The following TMEM74B variants were observed in gnomAD, a reference collection of about 807,000 sequenced individuals.
The protein encoded by TMEM74B is transmembrane protein C20orf46.
Under a neutral mutation model 6.5 loss-of-function variants are expected in TMEM74B, and 7 were observed. The observed-to-expected ratio is 1.07, with a 90% CI of 0.61 to 2.01. TMEM74B has a LOEUF of 2.01. TMEM74B is among the 30% of genes most tolerant of loss of function. The pLI, the probability that TMEM74B is intolerant of heterozygous loss-of-function variation, is 0.00. For synonymous variants in TMEM74B, 151 were observed against 151.6 expected (o/e 1.00, Z 0.03); for missense variants, 342 against 337.0 (o/e 1.01, Z -0.12).
chr20:1,188,624 A>C (rs1362907872), upstream of TMEM74B, among the ~76,000 whole-genome samples: 1 of 140,680 alleles, frequency 7.1e-6, no homozygotes, highest in Non-Finnish European at 1.6e-5. Flanking sequence ...CACACACACC[A>C]CACACATACA....
At position 1,181,275 on chromosome 20, in the gene TMEM74B, A is replaced by AC. The variant is rs753775568; in HGVS notation, c.343dup (p.Val115GlyfsTer32). 1 of 1,613,766 alleles carries AC rather than the reference A, an allele frequency of 6.2e-7. No individual in the cohort carries two copies. Among genetic ancestry groups the AC allele is most frequent in the Non-Finnish European group, 8.5e-7 (1 of 1,179,864 alleles). ...AAAGCCATAATCCACCGGGCGGCTC[A>AC]CGGGCTCCAGGGCTGGCCCCTCCTC... On this transcript the variant is annotated frameshift_variant, in exon 3 of 3. Coordinates refer to ENST00000429036, the MANE Select transcript of TMEM74B (RefSeq NM_001304748.2). LOFTEE classifies it high-confidence loss of function. The surrounding 1 kb of genome is among the most constrained non-coding windows in gnomAD (Gnocchi z 4.9).
chr20:1,181,651 A>T lies in TMEM74B; in HGVS notation c.32-64T>A. On this transcript the variant is annotated intron_variant, in intron 2 of 2. Coordinates refer to ENST00000429036, the MANE Select transcript of TMEM74B (RefSeq NM_001304748.2). The surrounding 1 kb of genome is among the most constrained non-coding windows in gnomAD (Gnocchi z 4.9). ...CTCTCCCTGTTGTGGAGGACATCAT[A>T]CCAGTCCCTAAGCACATGAAGGTGA... is the stretch of plus-strand genomic sequence containing the variant. 1 of 1,419,476 alleles carries T rather than the reference A, an allele frequency of 7.0e-7. No individual in the cohort carries two copies. 87.9% of individuals were successfully genotyped at this position (1,419,476 alleles called of 1,614,324 possible).
chr20:1,185,340 C>T (rs1388894223), upstream of TMEM74B: 2 of 152,038 alleles, frequency 1.3e-5, no homozygotes, highest in South Asian at 4.1e-4. Flanking sequence ...CCCTCCCGGT[C>T]TCCCGCCCCC....
chr20:1,183,700 A>G, intron 2 of TMEM74B, 71 bp downstream of exon 2: 12 of 1,565,926 alleles, frequency 7.7e-6, no homozygotes, highest in Non-Finnish European at 9.6e-6. Context: ...CCAAGATCCC[A>G]TGGCATGTAT....
rs2122685049 is a variant in TMEM74B at position 1,184,459 on chromosome 20, A to T, written c.-305T>A. 6.6e-6 allele frequency: 1 copy of T among 152,306 alleles called. No homozygotes were observed. The highest frequency in any genetic ancestry group is 2.1e-4 in the South Asian group (1 of 4,804). The allele number at this position is 152,306 out of a possible 1,614,324, so 9.4% of individuals were successfully genotyped here. On this transcript the variant is annotated 5_prime_UTR_variant, in exon 1 of 3. Transcript: ENST00000429036. This position sits in a 1 kb window ranked among gnomAD's most constrained non-coding sequence, Gnocchi z 6.0. ...CACCCCACGACCCCACCAGTTACTAATTTCATCTGCAGTCAGACAGGTCCT... is the reference window on the plus strand; with the variant it reads ...CACCCCACGACCCCACCAGTTACTATTTTCATCTGCAGTCAGACAGGTCCT...
intron 2 of TMEM74B, among the ~76,000 whole-genome samples, chr20:1,183,318 G>GTGTT (rs2086927712): frequency 7.9e-6 from 1 of 126,626 alleles, no homozygotes; most frequent in African/African-American, 2.7e-5. Context: ...GTGTGTGTTT[G>GTGTT]TGTGTGTGTG....
upstream of TMEM74B, among the ~76,000 whole-genome samples, chr20:1,187,308 G>C (rs2087034369): frequency 6.6e-6 from 1 of 152,168 alleles, no homozygotes; most frequent in Non-Finnish European, 1.5e-5. Context: ...AGTGCCAAAA[G>C]AAGAGGGTTT....
Sources: allele counts gnomAD v4.1 joint callset (sites outside exome capture counted in the v4.1 genomes callset), GRCh38; gene constraint gnomAD v4.1.1; non-coding constraint Gnocchi (gnomAD v3.1); transcripts MANE v1.5; gene names NCBI Gene and HGNC (gene_info 2026-07-23, HGNC 2026-07-21).